The following MAGI1 variants were observed in gnomAD, a reference collection of about 807,000 sequenced individuals.
MAGI1 encodes membrane associated guanylate kinase, WW and PDZ domain containing 1, also known as membrane-associated guanylate kinase, WW and PDZ domain-containing protein 1.
In MAGI1, 58 loss-of-function variants were observed where a neutral mutation model predicts 139.9. The ratio of observed to expected loss-of-function variants is 0.41; its 90% CI spans 0.34 to 0.52. MAGI1 has a LOEUF of 0.52. Among genes scored for constraint, MAGI1 ranks in the 20% least tolerant of loss-of-function variants. The pLI is 0.12. For synonymous variants in MAGI1, 812 were observed against 737.9 expected (o/e 1.10, Z -1.63); for missense variants, 1,874 against 1,901.6 (o/e 0.99, Z 0.27).
Position 65,377,685 on chromosome 3 carries a change from A to C in MAGI1, c.2995+1576T>G, listed in dbSNP as rs1282708430. 2.6e-5 allele frequency among the ~76,000 whole-genome samples: 4 copies of C among 152,324 alleles called. No individual in the cohort carries two copies. The East Asian group carries it at 7.7e-4, about 29-fold the overall frequency. ...TTTATATTAAGCAAGAAAGTCTCTG[A>C]AATTAATTTTAAAACAAAACCAAAA... On this transcript the variant is annotated intron_variant, in intron 17 of 22. Transcript: ENST00000402939.
At chr3:65,467,492 A>C (rs1950245058) in intron 5 of MAGI1, among the ~76,000 whole-genome samples, 1 of 152,254 alleles carries the variant, frequency 6.6e-6, no homozygotes, top group Non-Finnish European at 1.5e-5. Context: ...GAAATTTGAT[A>C]GTTGCAGCCC....
chr3:65,459,682 G>A (rs1458005180), intron 5 of MAGI1, among the ~76,000 whole-genome samples: 1 of 152,090 alleles, frequency 6.6e-6, no homozygotes, highest in African/African-American at 2.4e-5. Context: ...CAGCACTTTG[G>A]GTGGCTGAGG....
chr3:65,491,652 T>A (rs1401642662), intron 3 of MAGI1, among the ~76,000 whole-genome samples: 1 of 152,074 alleles, frequency 6.6e-6, no homozygotes, highest in East Asian at 1.9e-4. Flanking sequence ...GAGGACAGCA[T>A]GCTGACAACA....
At chr3:65,964,540 G>A (rs1340087326) in intron 1 of MAGI1, among the ~76,000 whole-genome samples, 1 of 151,880 alleles carries the variant, frequency 6.6e-6, no homozygotes, top group Non-Finnish European at 1.5e-5. Context: ...GGGGCGGGGG[G>A]AACCACCATC....
rs546504250 is a variant in MAGI1 at position 66,027,434 on chromosome 3, A to G, written c.313+10562T>C. Among the ~76,000 whole-genome samples the G allele has an allele frequency of 8.6e-4, 131 of 152,168 alleles. 1 individual carries two copies. Among genetic ancestry groups the G allele is most frequent in the African/African-American group, 3.0e-3 (123 of 41,528 alleles). On this transcript the variant is annotated intron_variant, in intron 1 of 22. Transcript: ENST00000402939. ...TCCTCCCACCACAGCCTCCCTCCCT[A>G]GTAGCTGGGACTACAAGCATGAACC...
chr3:65,517,485 A>G (rs1012219393), intron 2 of MAGI1, among the ~76,000 whole-genome samples: 6 of 152,188 alleles, frequency 3.9e-5, no homozygotes, highest in Non-Finnish European at 7.3e-5. Flanking sequence ...GCAATGCTCA[A>G]GTTAGGAGTC....
chr3:66,003,792 A>T (rs2066877764), intron 1 of MAGI1: 1 of 152,114 alleles, frequency 6.6e-6, no homozygotes. Flanking sequence ...TTTAAGGGTA[A>T]CTTGGTAACT....
chr3:65,636,634 T>G (rs2084634437), intron 1 of MAGI1, among the ~76,000 whole-genome samples: 1 of 152,032 alleles, frequency 6.6e-6, no homozygotes, highest in African/African-American at 2.4e-5. Flanking sequence ...TTTTCTTGAC[T>G]AAAGAGCAAA....
intron 1 of MAGI1, chr3:65,720,277 A>T (rs886700518): frequency 6.6e-6 from 1 of 152,066 alleles, no homozygotes; most frequent in African/African-American, 2.4e-5. Flanking sequence ...TGGCAGTAGG[A>T]AGAGGGGTCC....
At chr3:65,760,703 G>A (rs1346173239) in intron 1 of MAGI1, among the ~76,000 whole-genome samples, 1 of 152,108 alleles carries the variant, frequency 6.6e-6, no homozygotes, top group East Asian at 1.9e-4. Flanking sequence ...CACTGGCCCA[G>A]CCTAGAGTTA....
At chr3:65,963,367 C>T (rs1322329332) in intron 1 of MAGI1, among the ~76,000 whole-genome samples, 2 of 150,396 alleles carry the variant, frequency 1.3e-5, no homozygotes, top group African/African-American at 4.9e-5. Context: ...CCTGTAATCC[C>T]ACCACTTTGG....
chr3:65,428,438 G>A (rs888860153), intron 12 of MAGI1, among the ~76,000 whole-genome samples: 1 of 152,188 alleles, frequency 6.6e-6, no homozygotes, highest in African/African-American at 2.4e-5. Flanking sequence ...CGGACTCAAG[G>A]AGAAAGGAGG....
chr3:65,481,371 A>C (rs1345047000), intron 3 of MAGI1, among the ~76,000 whole-genome samples: 1 of 152,202 alleles, frequency 6.6e-6, no homozygotes, highest in Non-Finnish European at 1.5e-5. Context: ...TTGAAGGTGT[A>C]AGTAACTAGG....
chr3:66,001,680 G>A (rs373190772), intron 1 of MAGI1, among the ~76,000 whole-genome samples: 2 of 152,220 alleles, frequency 1.3e-5, no homozygotes, highest in South Asian at 4.1e-4. Flanking sequence ...TTACATGTCC[G>A]TGGCCTTAAC....
chr3:65,656,313 A>G (rs1448740643), intron 1 of MAGI1, among the ~76,000 whole-genome samples: 1 of 152,108 alleles, frequency 6.6e-6, no homozygotes, highest in Non-Finnish European at 1.5e-5. Flanking sequence ...GCTGCCTGTG[A>G]CACTGAACTG....
At chr3:65,440,895 C>CGT (rs1553644423) in intron 8 of MAGI1, among the ~76,000 whole-genome samples, 2 of 148,582 alleles carry the variant, frequency 1.3e-5, no homozygotes, top group Non-Finnish European at 3.0e-5. Flanking sequence ...ATATATGGTA[C>CGT]ATATGTGTGT....
chr3:65,392,647 C>T (rs953670691), intron 13 of MAGI1, among the ~76,000 whole-genome samples: 7 of 152,128 alleles, frequency 4.6e-5, no homozygotes, highest in African/African-American at 1.7e-4. Context: ...ATCTTTCATT[C>T]CCCTGGAATT....
chr3:65,720,083 C>A (rs572124290), intron 1 of MAGI1: 1 of 152,112 alleles, frequency 6.6e-6, no homozygotes, highest in African/African-American at 2.4e-5. Flanking sequence ...GTAAGTTCCA[C>A]GAAGGCAAGG....
chr3:65,552,289 TCC>T (rs1559663766), intron 2 of MAGI1, among the ~76,000 whole-genome samples: 2 of 149,556 alleles, frequency 1.3e-5, no homozygotes, highest in African/African-American at 4.9e-5. Context: ...TGTGTGTGTG[TCC>T]CCATTCCAAT....
Sources: allele counts gnomAD v4.1 joint callset (sites outside exome capture counted in the v4.1 genomes callset), GRCh38; gene constraint gnomAD v4.1.1; transcripts MANE v1.5; gene names NCBI Gene and HGNC (gene_info 2026-07-23, HGNC 2026-07-21).